UMODL1: variants seen among roughly 807,000 people sequenced by gnomAD.
UMODL1 encodes uromodulin like 1, also known as uromodulin-like 1.
A neutral mutation model predicts 136.3 loss-of-function variants in UMODL1; 128 were observed. That is an observed-to-expected ratio of 0.94 (90% CI 0.81 to 1.09). UMODL1 has a LOEUF of 1.09. UMODL1 is among the 50% of genes least tolerant of loss of function. UMODL1 has a pLI of 0.00. For synonymous variants in UMODL1, 721 were observed against 720.0 expected (o/e 1.00, Z -0.02); for missense variants, 1,766 against 1,725.6 (o/e 1.02, Z -0.41).
intron 6 of UMODL1, among the ~76,000 whole-genome samples, chr21:42,093,106 G>A (rs966540171): frequency 2.0e-5 from 3 of 152,272 alleles, no homozygotes; most frequent in African/African-American, 2.4e-5. Flanking sequence ...TTAGGACCAA[G>A]AGTTGGGTAG....
chr21:42,121,028 CTG>C, intron 15 of UMODL1, 57 bp from the exon 16 acceptor site: 1 of 1,568,818 alleles, frequency 6.4e-7, no homozygotes, highest in Non-Finnish European at 8.7e-7. Context: ...AACCAGGCTG[CTG>C]TGAGACCACA....
At chr21:42,138,297 G>A (rs1366426654) in intron 22 of UMODL1, among the ~76,000 whole-genome samples, 1 of 152,158 alleles carries the variant, frequency 6.6e-6, no homozygotes, top group Admixed American at 6.5e-5. Flanking sequence ...GATGGTCCTC[G>A]GCCGAGTGTC....
At chr21:42,106,561 C>T (rs565513246) in intron 9 of UMODL1, among the ~76,000 whole-genome samples, 3 of 152,212 alleles carry the variant, frequency 2.0e-5, no homozygotes, top group African/African-American at 4.8e-5. Flanking sequence ...CCGTCCATCC[C>T]GGGGCCTGGG....
At chr21:42,112,159 T>C (rs759331121) in intron 12 of UMODL1, among the ~76,000 whole-genome samples, 10 of 151,472 alleles carry the variant, frequency 6.6e-5, no homozygotes, top group Non-Finnish European at 1.3e-4. Flanking sequence ...ATAGCTGTTC[T>C]GCACCCCTCA....
upstream of UMODL1, among the ~76,000 whole-genome samples, chr21:42,067,581 C>T (rs116647194): frequency 0.017 from 2,544 of 152,304 alleles, 31 homozygotes; most frequent in African/African-American, 0.027. Context: ...AGGGCTTTCC[C>T]CAGGTTCCAC....
At chr21:42,096,094 T>C (rs559616740) in intron 6 of UMODL1, among the ~76,000 whole-genome samples, 6 of 152,248 alleles carry the variant, frequency 3.9e-5, no homozygotes, top group African/African-American at 1.4e-4. Context: ...GGGTGCATAG[T>C]AGAAGCTCAA....
chr21:42,087,249 CT>C (rs2066436820), intron 4 of UMODL1, among the ~76,000 whole-genome samples: 1 of 152,214 alleles, frequency 6.6e-6, no homozygotes, highest in South Asian at 2.1e-4. Context: ...CTGAGGCCTG[CT>C]TCTGCTGCTG....
chr21:42,095,089 G>GTTTTTTTTTTTTTTTTTTTTTTTTTT (rs58764222), intron 6 of UMODL1, among the ~76,000 whole-genome samples: 6 of 61,206 alleles, frequency 9.8e-5, no homozygotes, highest in African/African-American at 3.1e-4. Context: ...TTCTTCTGCT[G>GTTTTTTTTTTTTTTTTTTTTTTTTTT]TTTTTTTTTT....
chr21:42,110,398 T>C (rs1481866962), intron 10 of UMODL1, among the ~76,000 whole-genome samples: 3 of 152,222 alleles, frequency 2.0e-5, no homozygotes, highest in South Asian at 2.1e-4. Flanking sequence ...GGGAGAATAT[T>C]CCTTAGACAC....
At chr21:42,104,109 T>A in intron 9 of UMODL1, 22 bp downstream of exon 9, 4 of 1,591,124 alleles carry the variant, frequency 2.5e-6, no homozygotes. Flanking sequence ...CCACCCGCCC[T>A]GCTGCCTGGT....
rs770286624 is a variant in UMODL1 at position 42,113,849 on chromosome 21, T to C, written c.2362+19T>C. On this transcript the variant is annotated intron_variant, in intron 13 of 22. Transcript: ENST00000408910. ...AGGACAGGTAATGGGCTTCCATTTG[T>C]TTTTAAAGAGAGGAACAAAAAGTAT... The C allele has an allele frequency of 1.2e-5, 19 of 1,599,720 alleles. No homozygotes were observed. Among genetic ancestry groups the C allele is most frequent in the Non-Finnish European group, 1.5e-5 (18 of 1,171,942 alleles).
rs559221103 is a variant in UMODL1, at chr21:42,063,421, A to T, written c.-141+207A>T. ...TCGGAGTCCCCCCTGGTGTCCCCCA[A>T]ACAGATTCTAAGCTGCTTTCCTGGG... is the stretch of plus-strand genomic sequence containing the variant. On this transcript the variant is annotated intron_variant, in intron 1 of 22. Transcript: ENST00000400424. Among the ~76,000 whole-genome samples the T allele has an allele frequency of 3.3e-5, 5 of 152,284 alleles. No individual in the cohort carries two copies. In the East Asian group the frequency reaches 5.8e-4, roughly 18 times the overall value.
At chr21:42,124,153 C>G (rs1448174008) in intron 17 of UMODL1, among the ~76,000 whole-genome samples, 2 of 152,230 alleles carry the variant, frequency 1.3e-5, no homozygotes, top group South Asian at 2.1e-4. Flanking sequence ...GGCCCTTGTT[C>G]GTCTCCAACC....
chr21:42,124,132 G>A (rs995268176), intron 17 of UMODL1, among the ~76,000 whole-genome samples: 2 of 151,532 alleles, frequency 1.3e-5, no homozygotes, highest in East Asian at 3.9e-4. Flanking sequence ...CACAGCGAAC[G>A]CTCCCATGCA....
chr21:42,115,827 T>C (rs756305832), intron 13 of UMODL1, 46 bp from the exon 14 acceptor site: 4 of 1,433,486 alleles, frequency 2.8e-6, no homozygotes, highest in East Asian at 2.3e-5. Flanking sequence ...TAGTCTGTTA[T>C]CTAATACAGC....
chr21:42,072,386 G>A (rs1365890490), intron 1 of UMODL1, among the ~76,000 whole-genome samples: 2 of 152,148 alleles, frequency 1.3e-5, no homozygotes, highest in Admixed American at 6.5e-5. Context: ...CTACTTTAAC[G>A]TTTTTCACCC....
intron 6 of UMODL1, among the ~76,000 whole-genome samples, chr21:42,098,628 C>T (rs909884718): frequency 2.4e-4 from 37 of 152,038 alleles, no homozygotes; most frequent in Non-Finnish European, 3.4e-4. Flanking sequence ...ATTAGCCGGG[C>T]GTGGTGGCGA....
At chr21:42,078,909 C>T (rs1437446035) in intron 2 of UMODL1, among the ~76,000 whole-genome samples, 1 of 152,196 alleles carries the variant, frequency 6.6e-6, no homozygotes, top group South Asian at 2.1e-4. Flanking sequence ...TCTTCGAGGG[C>T]CACACACACA....
intron 9 of UMODL1, among the ~76,000 whole-genome samples, chr21:42,106,694 C>T (rs2066725517): frequency 6.6e-6 from 1 of 152,198 alleles, no homozygotes; most frequent in Non-Finnish European, 1.5e-5. Context: ...ATGAGTTGCA[C>T]CCTCACAGCG....
Sources: allele counts gnomAD v4.1 joint callset (sites outside exome capture counted in the v4.1 genomes callset), GRCh38; gene constraint gnomAD v4.1.1; transcripts MANE v1.5; gene names NCBI Gene and HGNC (gene_info 2026-07-23, HGNC 2026-07-21).